The following LIPC variants were observed in gnomAD, a reference collection of about 807,000 sequenced individuals.
LIPC encodes hepatic triacylglycerol lipase.
A neutral mutation model predicts 50.7 loss-of-function variants in LIPC; 44 were observed. The ratio of observed to expected loss-of-function variants is 0.87; its 90% CI spans 0.68 to 1.11. The LOEUF is 1.11. LIPC is among the 50% of genes most tolerant of loss of function. The probability of loss-of-function intolerance (pLI) is 0.00; values close to 1 mark genes in which losing one functional copy is unlikely to be tolerated. For missense variants in LIPC, 697 were observed against 648.2 expected (o/e 1.08, Z -0.82); for synonymous variants, 271 against 256.4 (o/e 1.06, Z -0.54).
At chr15:58,489,884 C>T (rs1891524829) in intron 1 of LIPC, among the ~76,000 whole-genome samples, 1 of 152,130 alleles carries the variant, frequency 6.6e-6, no homozygotes, top group Non-Finnish European at 1.5e-5. Context: ...GCTTGGCCTA[C>T]ACCTAGGAAT....
intron 1 of LIPC, among the ~76,000 whole-genome samples, chr15:58,495,976 C>T (rs565896582): frequency 6.6e-6 from 1 of 152,306 alleles, no homozygotes; most frequent in East Asian, 1.9e-4. Flanking sequence ...TTTTTCTCAA[C>T]TCTTCTTTTC....
intron 1 of LIPC, among the ~76,000 whole-genome samples, chr15:58,495,121 G>T (rs892704026): frequency 6.6e-6 from 1 of 152,168 alleles, no homozygotes; most frequent in Non-Finnish European, 1.5e-5. Context: ...AATCCCCACA[G>T]AGCTGGTCAA....
At chr15:58,537,167 C>T (rs958366165) in intron 1 of LIPC, among the ~76,000 whole-genome samples, 17 of 152,198 alleles carry the variant, frequency 1.1e-4, no homozygotes, top group African/African-American at 2.7e-4. Context: ...AGAAAAGATG[C>T]GCCCATCTTG....
At chr15:58,437,053 G>T in intron 1 of LIPC, 1 of 358,690 alleles carries the variant, frequency 2.8e-6, no homozygotes, top group East Asian at 7.3e-5. Context: ...GTCCAACTTC[G>T]AACAGGCATG....
intron 1 of LIPC, among the ~76,000 whole-genome samples, chr15:58,493,926 T>C (rs1367255947): frequency 6.6e-6 from 1 of 152,098 alleles, no homozygotes; most frequent in Admixed American, 6.5e-5. Context: ...GGGAACTTTA[T>C]TTACTAGAAC....
intron 1 of LIPC, among the ~76,000 whole-genome samples, chr15:58,524,165 A>G (rs1211736675): frequency 7.2e-5 from 11 of 152,088 alleles, no homozygotes; most frequent in Non-Finnish European, 1.5e-4. Flanking sequence ...GGAGTTATTT[A>G]CTTATGCCCC....
intron 1 of LIPC, among the ~76,000 whole-genome samples, chr15:58,493,539 A>G (rs929539916): frequency 2.2e-5 from 3 of 135,320 alleles, no homozygotes; most frequent in Admixed American, 7.5e-5. Flanking sequence ...TATTTTGTAT[A>G]TATACAAAAT....
chr15:58,538,937 T>C (rs1198831715), intron 2 of LIPC, among the ~76,000 whole-genome samples: 5 of 152,212 alleles, frequency 3.3e-5, no homozygotes, highest in African/African-American at 9.7e-5. Context: ...GAGACTCAAA[T>C]TAGCAGTGGT....
At chr15:58,490,781 A>T (rs1393439279) in intron 1 of LIPC, among the ~76,000 whole-genome samples, 1 of 152,208 alleles carries the variant, frequency 6.6e-6, no homozygotes, top group African/African-American at 2.4e-5. Flanking sequence ...AGGCAGTGAG[A>T]CGTGCTACCT....
chr15:58,449,387 C>G (rs1893821231), intron 1 of LIPC, among the ~76,000 whole-genome samples: 1 of 152,188 alleles, frequency 6.6e-6, no homozygotes, highest in South Asian at 2.1e-4. Flanking sequence ...ACCCAACATT[C>G]TCTGCCAAAG....
chr15:58,463,173 G>T (rs1164463899), intron 1 of LIPC, among the ~76,000 whole-genome samples: 1 of 152,234 alleles, frequency 6.6e-6, no homozygotes, highest in African/African-American at 2.4e-5. Context: ...GATGGTGTTT[G>T]CCTTCCGGCC....
At chr15:58,536,852 T>A (rs1293371965) in intron 1 of LIPC, among the ~76,000 whole-genome samples, 1 of 152,272 alleles carries the variant, frequency 6.6e-6, no homozygotes, top group East Asian at 1.9e-4. Flanking sequence ...TTTGAGTTAA[T>A]ACCCTTTGGG....
At chr15:58,505,890 T>C (rs1230411627) in intron 1 of LIPC, among the ~76,000 whole-genome samples, 1 of 126,508 alleles carries the variant, frequency 7.9e-6, no homozygotes, top group Non-Finnish European at 1.7e-5. Context: ...TGGTCAGCCC[T>C]AGGGAGCCAG....
intron 1 of LIPC, among the ~76,000 whole-genome samples, chr15:58,535,307 G>A (rs1262543819): frequency 6.6e-6 from 1 of 152,232 alleles, no homozygotes; most frequent in Non-Finnish European, 1.5e-5. Flanking sequence ...GGGGCCTGGG[G>A]CATAATACAT....
intron 1 of LIPC, among the ~76,000 whole-genome samples, chr15:58,507,990 T>C (rs1418196115): frequency 6.6e-6 from 1 of 152,188 alleles, no homozygotes; most frequent in Non-Finnish European, 1.5e-5. Flanking sequence ...AATGATTCTC[T>C]TTGAAATACT....
intron 1 of LIPC, among the ~76,000 whole-genome samples, chr15:58,503,616 C>T (rs967737186): frequency 2.0e-5 from 3 of 152,208 alleles, no homozygotes; most frequent in African/African-American, 7.2e-5. Context: ...TCCAATTCAC[C>T]AACTCACTCC....
intron 1 of LIPC, among the ~76,000 whole-genome samples, chr15:58,460,349 C>T (rs1251828156): frequency 6.6e-6 from 1 of 152,110 alleles, no homozygotes; most frequent in Non-Finnish European, 1.5e-5. Context: ...AGGCTGGGGC[C>T]GACTTGGGAT....
chr15:58,540,330 G>C (rs1893278073), intron 2 of LIPC, among the ~76,000 whole-genome samples: 1 of 152,114 alleles, frequency 6.6e-6, no homozygotes, highest in African/African-American at 2.4e-5. Flanking sequence ...CATTTGTTGA[G>C]TCCTTACTAT....
chr15:58,508,132 C>G (rs2140851668), intron 1 of LIPC, among the ~76,000 whole-genome samples: 1 of 151,790 alleles, frequency 6.6e-6, no homozygotes, highest in South Asian at 2.1e-4. Context: ...GAGGTAATTG[C>G]TTTCTTCCTT....
Sources: allele counts gnomAD v4.1 joint callset (sites outside exome capture counted in the v4.1 genomes callset), GRCh38; gene constraint gnomAD v4.1.1; transcripts MANE v1.5; gene names NCBI Gene and HGNC (gene_info 2026-07-23, HGNC 2026-07-21).